KCNQ3: variants seen among roughly 807,000 people sequenced by gnomAD.
KCNQ3 encodes the protein potassium voltage-gated channel subfamily KQT member 3.
A neutral mutation model predicts 92.5 loss-of-function variants in KCNQ3; 30 were observed. That is an observed-to-expected ratio of 0.32 (90% CI 0.24 to 0.44). The LOEUF is 0.44. Ranked by LOEUF, KCNQ3 falls within the 20% of genes least tolerant of loss-of-function variation. KCNQ3 has a pLI of 1.00. For synonymous variants in KCNQ3, 450 were observed against 468.8 expected (o/e 0.96, Z 0.52); for missense variants, 913 against 1,140.3 (o/e 0.80, Z 2.87).
intron 1 of KCNQ3, among the ~76,000 whole-genome samples, chr8:132,429,599 G>A (rs986428107): frequency 4.6e-5 from 7 of 152,120 alleles, no homozygotes; most frequent in African/African-American, 1.7e-4. Context: ...AGTGGCTCAC[G>A]CCTGTAATCC....
chr8:132,271,155 C>A (rs1226514984), intron 1 of KCNQ3, among the ~76,000 whole-genome samples: 1 of 152,234 alleles, frequency 6.6e-6, no homozygotes, highest in Non-Finnish European at 1.5e-5. Context: ...TTTCCATGAA[C>A]CCCTTGGGAG....
At chr8:132,155,496 C>T (rs1190901552) in intron 9 of KCNQ3, among the ~76,000 whole-genome samples, 1 of 152,088 alleles carries the variant, frequency 6.6e-6, no homozygotes. Context: ...TTACCATGGG[C>T]CAGGCTCTAT....
intron 1 of KCNQ3, among the ~76,000 whole-genome samples, chr8:132,333,283 CAGAG>C (rs148865892): frequency 6.6e-6 from 1 of 150,616 alleles, no homozygotes; most frequent in Non-Finnish European, 1.5e-5. Context: ...TAAGAAAGTT[CAGAG>C]AGAGAGAGAG....
intron 1 of KCNQ3, among the ~76,000 whole-genome samples, chr8:132,292,082 T>C (rs901576962): frequency 6.6e-6 from 1 of 152,216 alleles, no homozygotes; most frequent in Non-Finnish European, 1.5e-5. Flanking sequence ...TATTGAGTTA[T>C]AATTCCCAAA....
At chr8:132,222,130 A>C (rs970907970) in intron 1 of KCNQ3, among the ~76,000 whole-genome samples, 7 of 152,230 alleles carry the variant, frequency 4.6e-5, no homozygotes, top group Non-Finnish European at 1.5e-5. Context: ...TGAACAGGCA[A>C]CCTACAGAAT....
chr8:132,300,808 AC>A (rs1366461683), intron 1 of KCNQ3, among the ~76,000 whole-genome samples: 2 of 151,982 alleles, frequency 1.3e-5, no homozygotes, highest in African/African-American at 4.8e-5. Context: ...CTTTTCCATG[AC>A]CCCTTGTGGG....
chr8:132,327,769 G>A (rs755813028), intron 1 of KCNQ3, among the ~76,000 whole-genome samples: 4 of 152,172 alleles, frequency 2.6e-5, no homozygotes, highest in Non-Finnish European at 4.4e-5. Flanking sequence ...GAAACCCAGA[G>A]GGCTGTTTTG....
intron 1 of KCNQ3, among the ~76,000 whole-genome samples, chr8:132,369,896 C>A (rs1187663661): frequency 6.6e-6 from 1 of 152,172 alleles, no homozygotes; most frequent in Non-Finnish European, 1.5e-5. Flanking sequence ...CCAGTACTAT[C>A]CCCACTCACA....
rs528343993 is a variant in KCNQ3 at position 132,135,781 on chromosome 8, G to A, written c.1701-1393C>T. Among the ~76,000 whole-genome samples the A allele has an allele frequency of 4.6e-5, 7 of 152,062 alleles. No individual in the cohort carries two copies. The South Asian group carries it at 1.0e-3, about 23-fold the overall frequency. On this transcript the variant is annotated intron_variant, in intron 12 of 14. Coordinates refer to ENST00000388996, the MANE Select transcript of KCNQ3 (RefSeq NM_004519.4). ...ATTCATTCGGCAGGCAGTGAGCACT[G>A]ACTCTGTGCCTGCCACTATACTAGG...
chr8:132,270,049 G>A (rs1342280170), intron 1 of KCNQ3, among the ~76,000 whole-genome samples: 1 of 151,924 alleles, frequency 6.6e-6, no homozygotes, highest in Non-Finnish European at 1.5e-5. Flanking sequence ...ATTTTCTGTG[G>A]GAACGGCTTT....
At chr8:132,209,312 A>C (rs1813774985) in intron 1 of KCNQ3, among the ~76,000 whole-genome samples, 1 of 151,820 alleles carries the variant, frequency 6.6e-6, no homozygotes, top group South Asian at 2.1e-4. Context: ...CCTTTCCTTT[A>C]TTTCTCTCTA....
intron 1 of KCNQ3, among the ~76,000 whole-genome samples, chr8:132,347,977 T>TAAA (rs5895138): frequency 3.5e-4 from 27 of 78,110 alleles, no homozygotes; most frequent in South Asian, 4.6e-4. Context: ...AGACTCCATC[T>TAAA]AAAAAAAAAA....
intron 1 of KCNQ3, among the ~76,000 whole-genome samples, chr8:132,451,038 C>G (rs1821806933): frequency 6.6e-6 from 1 of 152,072 alleles, no homozygotes; most frequent in Non-Finnish European, 1.5e-5. Flanking sequence ...GCTCTGTGTC[C>G]CCACCCAAAT....
At chr8:132,301,013 G>A (rs1007973102) in intron 1 of KCNQ3, among the ~76,000 whole-genome samples, 11 of 152,118 alleles carry the variant, frequency 7.2e-5, no homozygotes, top group South Asian at 2.1e-4. Flanking sequence ...AATATCATCC[G>A]TTTAGTCATT....
At chr8:132,302,030 C>T (rs1327255989) in intron 1 of KCNQ3, among the ~76,000 whole-genome samples, 5 of 152,230 alleles carry the variant, frequency 3.3e-5, no homozygotes, top group Non-Finnish European at 5.9e-5. Flanking sequence ...AAGTGGCACT[C>T]GAGTGGGGCT....
intron 7 of KCNQ3, among the ~76,000 whole-genome samples, chr8:132,171,593 T>C (rs1204696297): frequency 1.3e-5 from 2 of 152,212 alleles, no homozygotes; most frequent in African/African-American, 4.8e-5. Flanking sequence ...CATCCTCTGG[T>C]CCATGGTTGT....
At chr8:132,345,342 G>C (rs193013745) in intron 1 of KCNQ3, among the ~76,000 whole-genome samples, 44 of 152,268 alleles carry the variant, frequency 2.9e-4, no homozygotes, top group African/African-American at 9.6e-4. Flanking sequence ...ACCTTGAAAA[G>C]AGTACATAAA....
chr8:132,209,270 C>T (rs1222977685), intron 1 of KCNQ3, among the ~76,000 whole-genome samples: 1 of 152,138 alleles, frequency 6.6e-6, no homozygotes, highest in Non-Finnish European at 1.5e-5. Flanking sequence ...AGGAGCCCTC[C>T]TCATTCTCTA....
chr8:132,173,117 T>C (rs531798411), intron 6 of KCNQ3, among the ~76,000 whole-genome samples: 7 of 152,346 alleles, frequency 4.6e-5, no homozygotes, highest in African/African-American at 1.4e-4. Context: ...GTTTTAAAAA[T>C]ATTTTAGCTG....
Sources: gnomAD v4.1 joint callset for allele counts (sites outside exome capture counted in the v4.1 genomes callset) on GRCh38, gnomAD v4.1.1 for gene constraint, MANE v1.5 for transcripts, NCBI Gene and HGNC (gene_info 2026-07-23, HGNC 2026-07-21) for gene names.